The following C5orf15 variants were observed in gnomAD, a reference collection of about 807,000 sequenced individuals.
C5orf15 encodes the protein keratinocyte-associated transmembrane protein 2.
A neutral mutation model predicts 17.8 loss-of-function variants in C5orf15; 10 were observed. The observed-to-expected ratio is 0.56, with a 90% CI of 0.35 to 0.95. The LOEUF (loss-of-function observed/expected upper bound fraction) is 0.95. Ranked by LOEUF, C5orf15 falls within the 40% of genes least tolerant of loss-of-function variation. The pLI is 0.02. For synonymous variants in C5orf15, 124 were observed against 131.0 expected, an observed-to-expected ratio of 0.95 and a Z score of 0.36; for missense variants, 319 against 331.7, an observed-to-expected ratio of 0.96 and a Z score of 0.30.
Position 133,960,040 on chromosome 5 carries a change from T to C in C5orf15, c.140-20A>G, listed in dbSNP as rs1304506889. On this transcript the variant is annotated intron_variant, in intron 1 of 2. Transcript: ENST00000231512. ...ATACAACTGAAACAAACAAAGAATA[T>C]CAAACTGAAATCTCCAACTTTATCT... The C allele has an allele frequency of 6.4e-7, 1 of 1,561,006 alleles. No individual in the cohort carries two copies. Among genetic ancestry groups the C allele is most frequent in the Non-Finnish European group, 8.7e-7 (1 of 1,151,840 alleles).
In C5orf15 at chr5:133,959,908, G is replaced by C; in HGVS notation, c.252C>G (p.Ile84Met). ...TCGTCGTGGGAGGGAGGGTGGTGCT[G>C]ATTTGGGAAATAGAAGGTTTGGTTT... ...ENQTKPSISQ[I>M]STTLPPTTST... Residue 84 changes from isoleucine (I) to methionine (M), a missense_variant, in exon 2 of 3, where the codon ATC (isoleucine) becomes ATG (methionine). Transcript: ENST00000231512. The C allele has an allele frequency of 6.2e-7, 1 of 1,614,086 alleles. No individual in the cohort carries two copies. Among genetic ancestry groups the C allele is most frequent in the Non-Finnish European group, 8.5e-7 (1 of 1,179,982 alleles).
At chr5:133,962,489 C>G (rs1752139307) in intron 1 of C5orf15, among the ~76,000 whole-genome samples, 1 of 152,186 alleles carries the variant, frequency 6.6e-6, no homozygotes, top group African/African-American at 2.4e-5. Context: ...CTTTGATTCT[C>G]TTATCTTAAG....
chr5:133,960,887 T>G (rs560266624), intron 1 of C5orf15, among the ~76,000 whole-genome samples: 1 of 151,808 alleles, frequency 6.6e-6, no homozygotes, highest in African/African-American at 2.4e-5. Context: ...ATTTATAATC[T>G]AATGTAGTAT....
At chr5:133,965,196 C>A (rs1031333423) in intron 1 of C5orf15, among the ~76,000 whole-genome samples, 7 of 152,162 alleles carry the variant, frequency 4.6e-5, no homozygotes, top group African/African-American at 1.7e-4. Context: ...ACAAATCCCA[C>A]ACCACATCCC....
intron 1 of C5orf15, among the ~76,000 whole-genome samples, chr5:133,965,328 C>G (rs963860751): frequency 6.6e-6 from 1 of 152,138 alleles, no homozygotes; most frequent in Non-Finnish European, 1.5e-5. Context: ...AACTCCAATA[C>G]CTAGCACCAA....
chr5:133,964,023 C>T (rs1283078631), intron 1 of C5orf15, among the ~76,000 whole-genome samples: 1 of 152,128 alleles, frequency 6.6e-6, no homozygotes, highest in Non-Finnish European at 1.5e-5. Context: ...TCGAGACCAG[C>T]CTGGCCAAAA....
chr5:133,965,107 T>A (rs1175739234), intron 1 of C5orf15, among the ~76,000 whole-genome samples: 1 of 152,154 alleles, frequency 6.6e-6, no homozygotes, highest in Non-Finnish European at 1.5e-5. Context: ...CCCTAACAGC[T>A]CTATCCCCAT....
chr5:133,959,442 T>G, intron 2 of C5orf15, 52 bp downstream of exon 2: 1 of 348,230 alleles, frequency 2.9e-6, no homozygotes, highest in Non-Finnish European at 5.3e-6. Flanking sequence ...CCATGAATCA[T>G]CAAAAGCATT....
chr5:133,960,121 A>G lies in C5orf15; in HGVS notation c.140-101T>C, dbSNP rs1752102448. On this transcript the variant is annotated intron_variant, in intron 1 of 2. Transcript: ENST00000231512. Reference sequence around the variant, plus strand: ...TTTACACTAAGCATTTCTCTCTGCTACATTCCTATAACTTTCTCGAAAACT... The same window carrying G: ...TTTACACTAAGCATTTCTCTCTGCTGCATTCCTATAACTTTCTCGAAAACT... 8 of 974,724 alleles carry G rather than the reference A, an allele frequency of 8.2e-6. No individual in the cohort carries two copies. The South Asian group carries it at 1.2e-4, about 15-fold the overall frequency. The allele number at this position is 974,724 out of a possible 1,614,324, so 60.4% of individuals were successfully genotyped here. A position where few individuals can be genotyped will look rare whatever the true frequency, so the allele number is the denominator to read the frequency against.
At chr5:133,963,382 T>C (rs999089399) in intron 1 of C5orf15, among the ~76,000 whole-genome samples, 6 of 152,228 alleles carry the variant, frequency 3.9e-5, no homozygotes, top group Non-Finnish European at 8.8e-5. Context: ...ATGTCTGACA[T>C]TCACATTAAT....
At chr5:133,959,104 G>A (rs1056642165) in intron 2 of C5orf15, among the ~76,000 whole-genome samples, 5 of 152,160 alleles carry the variant, frequency 3.3e-5, no homozygotes, top group Non-Finnish European at 5.9e-5. Context: ...GGTGGCTCAT[G>A]TCTGTAATCC....
intron 1 of C5orf15, among the ~76,000 whole-genome samples, chr5:133,964,523 T>C (rs146620329): frequency 1.2e-3 from 178 of 152,300 alleles, no homozygotes; most frequent in African/African-American, 3.9e-3. Context: ...GGTCGTGATA[T>C]TGCACTATTG....
chr5:133,963,514 A>C (rs1183262139), intron 1 of C5orf15, among the ~76,000 whole-genome samples: 1 of 152,232 alleles, frequency 6.6e-6, no homozygotes, highest in African/African-American at 2.4e-5. Context: ...ACACTCTGAA[A>C]GGTGGAAAGA....
At chr5:133,966,550 A>G (rs1323973575) in intron 1 of C5orf15, among the ~76,000 whole-genome samples, 4 of 152,262 alleles carry the variant, frequency 2.6e-5, no homozygotes, top group Non-Finnish European at 4.4e-5. Context: ...AAAAATTCTT[A>G]CAGACTGACG....
At position 133,958,594 on chromosome 5, in the gene C5orf15, A is replaced by C. The variant is rs1580697665; in HGVS notation, c.666+900T>G. Among the ~76,000 whole-genome samples the C allele has an allele frequency of 7.5e-5, 11 of 147,584 alleles. No homozygotes were observed. The South Asian group carries it at 2.3e-3, about 31-fold the overall frequency. ...TCTGTCTCAAAAAAAAAAAAAAAAAAAAAAAAAAAACTCTGTGAGATAAAA... is the reference window on the plus strand; with the variant it reads ...TCTGTCTCAAAAAAAAAAAAAAAAACAAAAAAAAAACTCTGTGAGATAAAA... On this transcript the variant is annotated intron_variant, in intron 2 of 2. Transcript: ENST00000231512.
intron 1 of C5orf15, chr5:133,967,355 G>C (rs1752210885): frequency 6.6e-6 from 1 of 152,218 alleles, no homozygotes; most frequent in African/African-American, 2.4e-5. Flanking sequence ...GAGGAATGTA[G>C]GGCTGGACAG....
At chr5:133,961,557 A>C (rs1189877120) in intron 1 of C5orf15, among the ~76,000 whole-genome samples, 1 of 151,340 alleles carries the variant, frequency 6.6e-6, no homozygotes, top group Non-Finnish European at 1.5e-5. Context: ...AAAAAAAAAA[A>C]AAAAAACCAA....
intron 1 of C5orf15, among the ~76,000 whole-genome samples, chr5:133,967,862 T>C (rs1473992697): frequency 6.6e-6 from 1 of 152,278 alleles, no homozygotes; most frequent in East Asian, 1.9e-4. Flanking sequence ...ACTTTCCCTC[T>C]CGGAAATATT....
rs778993410 is a variant in C5orf15 at position 133,956,923 on chromosome 5, C to T, written c.734G>A (p.Arg245His). ...TGCCTCATTAACATTCTGATCTAGG[C>T]GATGGTATTCCACTGTTTTGGAACA... ...GLCSKTVEYH[R>H]LDQNVNEAMP... Residue 245 changes from arginine to histidine, a missense_variant, in exon 3 of 3, where the codon CGC becomes CAC. By Grantham distance (29) the Arg-to-His change is conservative. This residue lies in a region of C5orf15 where 175 missense variants were observed against 192.4 expected (regional missense o/e 0.91). Transcript: ENST00000231512. 14 of 1,610,698 alleles carry T rather than the reference C, an allele frequency of 8.7e-6. No individual in the cohort carries two copies. Among genetic ancestry groups the T allele is most frequent in the South Asian group, 7.7e-5 (7 of 90,394 alleles).
Sources: gnomAD v4.1 joint callset for allele counts (sites outside exome capture counted in the v4.1 genomes callset) on GRCh38, gnomAD v4.1.1 for gene constraint, gnomAD v4.1.1 regional missense constraint, MANE v1.5 for transcripts, NCBI Gene and HGNC (gene_info 2026-07-23, HGNC 2026-07-21) for gene names.